Variants in FXN observed in about 807,000 individuals in gnomAD.
FXN encodes the protein frataxin.
FXN carries 14 observed loss-of-function variants against 22.4 expected under a neutral mutation model. The ratio of observed to expected loss-of-function variants is 0.62; its 90% CI spans 0.41 to 0.98. The LOEUF is 0.98. Among genes scored for constraint, FXN ranks in the 50% least tolerant of loss-of-function variants. The pLI is 0.00. For missense variants in FXN, 267 were observed against 268.4 expected (o/e 0.99, Z 0.04); for synonymous variants, 120 against 114.1 (o/e 1.05, Z -0.33).
intron 3 of FXN, among the ~76,000 whole-genome samples, chr9:69,057,833 C>T (rs1287062881): frequency 6.6e-6 from 1 of 152,060 alleles, no homozygotes; most frequent in Non-Finnish European, 1.5e-5. Flanking sequence ...CTGAGGTTGA[C>T]TCTGTGGAGC....
chr9:69,045,841 C>T (rs1466478594), intron 1 of FXN, among the ~76,000 whole-genome samples: 1 of 151,470 alleles, frequency 6.6e-6, no homozygotes, highest in Non-Finnish European at 1.5e-5. Flanking sequence ...TGTGCAAGGG[C>T]AAGTGGGGGG....
At position 69,074,833 on chromosome 9, in the gene FXN, A is replaced by T. The variant is rs1832337950; in HGVS notation, c.*2071A>T. 3 of 976,986 alleles carry T rather than the reference A, an allele frequency of 3.1e-6. No individual in the cohort carries two copies. Among genetic ancestry groups the T allele is most frequent in the Non-Finnish European group, 3.6e-6 (3 of 822,216 alleles). 60.5% of individuals were successfully genotyped at this position (976,986 alleles called of 1,614,324 possible). A position where few individuals can be genotyped will look rare whatever the true frequency, so the allele number is the denominator to read the frequency against. On this transcript the variant is annotated 3_prime_UTR_variant, in exon 5 of 5. Coordinates refer to ENST00000484259, the MANE Select transcript of FXN (RefSeq NM_000144.5). ...GAAATAAAATTATTTTTTGAGTCTGATGGAAATGTTTAAGTGCAGTAGGCC... is the reference window on the plus strand; with the variant it reads ...GAAATAAAATTATTTTTTGAGTCTGTTGGAAATGTTTAAGTGCAGTAGGCC...
rs143414211 is a variant in FXN at position 69,070,184 on chromosome 9, A to T, written c.483-2428A>T. On this transcript the variant is annotated intron_variant, in intron 4 of 4. Coordinates refer to ENST00000484259, the MANE Select transcript of FXN (RefSeq NM_000144.5). ...GCAGAGGTTGCAGTGAGCTGAGATC[A>T]CACCACTGCACTCCAGCCTGGGTGA... is the stretch of plus-strand genomic sequence containing the variant. Among the ~76,000 whole-genome samples, 538 of 151,682 alleles carry T rather than the reference A, an allele frequency of 3.5e-3. 2 individuals carry two copies. The highest frequency in any genetic ancestry group is 0.012 in the African/African-American group (514 of 41,358).
intron 4 of FXN, among the ~76,000 whole-genome samples, chr9:69,066,187 C>T (rs1245316635): frequency 6.6e-6 from 1 of 152,142 alleles, no homozygotes; most frequent in Non-Finnish European, 1.5e-5. Flanking sequence ...TTAGCACTTC[C>T]AAAGAGAGCA....
chr9:69,075,296 A>G lies in FXN; in HGVS notation c.*2534A>G. The G allele has an allele frequency of 3.1e-6, 2 of 638,130 alleles. No homozygotes were observed. The highest frequency in any genetic ancestry group is 3.9e-6 in the Non-Finnish European group (2 of 513,188). The allele number at this position is 638,130 out of a possible 1,614,324, so 39.5% of individuals were successfully genotyped here. ...AACATGGCAAAATCCCGTCTCTACT[A>G]AAAATATTAAAAAATTGGCTGGGCG... On this transcript the variant is annotated 3_prime_UTR_variant, in exon 5 of 5. Coordinates refer to ENST00000484259, the MANE Select transcript of FXN (RefSeq NM_000144.5).
intron 2 of FXN, among the ~76,000 whole-genome samples, chr9:69,052,127 C>T (rs530112108): frequency 6.6e-6 from 1 of 150,520 alleles, no homozygotes; most frequent in South Asian, 2.1e-4. Context: ...GGATTACAGG[C>T]GTGAGCCACC....
chr9:69,074,746 A>G lies in FXN; in HGVS notation c.*1984A>G. 5.6e-6 allele frequency: 5 copies of G among 898,382 alleles called. No homozygotes were observed. In the South Asian group the frequency reaches 1.5e-4, roughly 28 times the overall value. 55.7% of individuals were successfully genotyped at this position (898,382 alleles called of 1,614,324 possible). A position where few individuals can be genotyped will look rare whatever the true frequency, so the allele number is the denominator to read the frequency against. ...AAGATCCTATCTCTTAAAAAAAGAA[A>G]AAAAAACCTATTAATAATAAAACAG... On this transcript the variant is annotated 3_prime_UTR_variant, in exon 5 of 5. Coordinates refer to ENST00000484259, the MANE Select transcript of FXN (RefSeq NM_000144.5).
intron 4 of FXN, 36 bp from the exon 5 acceptor site, chr9:69,072,576 G>A: frequency 6.2e-7 from 1 of 1,613,584 alleles, no homozygotes; most frequent in Non-Finnish European, 8.5e-7. Context: ...GAAGGGCTGT[G>A]CTGTGGAATT....
intron 1 of FXN, among the ~76,000 whole-genome samples, chr9:69,043,093 TC>T (rs1831686728): frequency 6.6e-6 from 1 of 152,100 alleles, no homozygotes; most frequent in Non-Finnish European, 1.5e-5. Context: ...CCTTTTGGGG[TC>T]GTTTCAAAGA....
In FXN at chr9:69,078,958, T is replaced by C. The variant is rs564274782; in HGVS notation, c.*6196T>C. ...ACTATGTGTCTCCTTTGTTGACTGC[T>C]GTTGCCCTAGCATCTTGCACAGTTC... On this transcript the variant is annotated 3_prime_UTR_variant, in exon 5 of 5. Coordinates refer to ENST00000484259, the MANE Select transcript of FXN (RefSeq NM_000144.5). 486 of 936,180 alleles carry C rather than the reference T, an allele frequency of 5.2e-4. No homozygotes were observed. The African/African-American group carries it at 7.9e-3, about 15-fold the overall frequency. The allele number at this position is 936,180 out of a possible 1,614,324, so 58.0% of individuals were successfully genotyped here. A position where few individuals can be genotyped will look rare whatever the true frequency, so the allele number is the denominator to read the frequency against.
chr9:69,052,212 G>A (rs1831865257), intron 2 of FXN, among the ~76,000 whole-genome samples: 1 of 151,174 alleles, frequency 6.6e-6, no homozygotes, highest in Admixed American at 6.6e-5. Context: ...GGAGTGCAGT[G>A]GCACAATGTC....
chr9:69,046,600 G>C, intron 2 of FXN, 118 bp downstream of exon 2: 1 of 729,572 alleles, frequency 1.4e-6, no homozygotes, highest in Non-Finnish European at 2.5e-6. Context: ...CCATGTGACT[G>C]AGTATCCACC....
At chr9:69,042,270 C>T (rs1587815914) in intron 1 of FXN, among the ~76,000 whole-genome samples, 1 of 151,850 alleles carries the variant, frequency 6.6e-6, no homozygotes, top group Non-Finnish European at 1.5e-5. Context: ...AACACTCATC[C>T]TATGACCTTG....
In FXN at chr9:69,078,774, G is replaced by GA; in HGVS notation, c.*6017dup. 3 of 985,554 alleles carry GA rather than the reference G, an allele frequency of 3.0e-6. No homozygotes were observed. Among genetic ancestry groups the GA allele is most frequent in the Non-Finnish European group, 2.4e-6 (2 of 830,014 alleles). The allele number at this position is 985,554 out of a possible 1,614,324, so 61.1% of individuals were successfully genotyped here. On this transcript the variant is annotated 3_prime_UTR_variant, in exon 5 of 5. Coordinates refer to ENST00000484259, the MANE Select transcript of FXN (RefSeq NM_000144.5). ...CTGCCTGGGGGGTAGATTCTACCCT[G>GA]AAAAATGTTCTTGGCACAGCCTTGC...
chr9:69,050,788 T>C (rs1017820471), intron 2 of FXN, among the ~76,000 whole-genome samples: 3 of 151,936 alleles, frequency 2.0e-5, no homozygotes, highest in Non-Finnish European at 4.4e-5. Context: ...CCAACTCTTT[T>C]TTTTTTTTTG....
At chr9:69,050,131 C>T (rs934521185) in intron 2 of FXN, among the ~76,000 whole-genome samples, 2 of 152,174 alleles carry the variant, frequency 1.3e-5, no homozygotes, top group African/African-American at 4.8e-5. Flanking sequence ...TTTATATAAA[C>T]TGTCTCATTA....
intron 4 of FXN, among the ~76,000 whole-genome samples, chr9:69,067,238 T>C (rs1345024957): frequency 6.6e-6 from 1 of 152,244 alleles, no homozygotes; most frequent in Admixed American, 6.5e-5. Flanking sequence ...ACTCCCGGCC[T>C]GCTGCCCACA....
chr9:69,047,747 A>G (rs1295004446), intron 2 of FXN, among the ~76,000 whole-genome samples: 1 of 151,668 alleles, frequency 6.6e-6, no homozygotes, highest in Non-Finnish European at 1.5e-5. Context: ...TTATGAAATC[A>G]CACCCTGAGA....
intron 1 of FXN, among the ~76,000 whole-genome samples, chr9:69,045,224 AC>A (rs1199707371): frequency 7.6e-6 from 1 of 131,184 alleles, no homozygotes; most frequent in Non-Finnish European, 1.6e-5. Context: ...ATTGGAAAAC[AC>A]GGGCTTAGAG....
Sources: allele counts gnomAD v4.1 joint callset (sites outside exome capture counted in the v4.1 genomes callset), GRCh38; gene constraint gnomAD v4.1.1; transcripts MANE v1.5; gene names NCBI Gene and HGNC (gene_info 2026-07-23, HGNC 2026-07-21).